Variants in TRMU observed in about 807,000 individuals in gnomAD.
TRMU encodes tRNA mitochondrial 2-thiouridylase.
TRMU carries 49 observed loss-of-function variants against 46.9 expected under a neutral mutation model. The ratio of observed to expected loss-of-function variants is 1.05; its 90% CI spans 0.83 to 1.33. The LOEUF (loss-of-function observed/expected upper bound fraction) is 1.33, where lower values mean the gene tolerates loss of function less well. TRMU is among the 40% of genes most tolerant of loss of function. TRMU has a pLI of 0.00. For synonymous variants in TRMU, 241 were observed against 200.9 expected (o/e 1.20, Z -1.69); for missense variants, 572 against 532.4 (o/e 1.07, Z -0.73).
At position 46,355,534 on chromosome 22, in the gene TRMU, G is replaced by C. The variant is rs1462606377; in HGVS notation, c.964G>C (p.Val322Leu). The change falls in exon 9 of 11, where the codon GTC becomes CTC. Residue 322 changes from valine to leucine, a missense_variant. Coordinates refer to ENST00000645190, the MANE Select transcript of TRMU (RefSeq NM_018006.5). The part of the protein sequence containing the change: ...WIAEEPPAAL[V>L]RDKMMECHFR... The stretch of plus-strand genomic sequence containing the variant: ...TGCGGAGGAGCCTCCCGCAGCACTG[G>C]TCCGGGACAAGATGATGGAGTGCCA... The C allele has an allele frequency of 6.2e-7, 1 of 1,613,314 alleles. No individual in the cohort carries two copies. Among genetic ancestry groups the C allele is most frequent in the Admixed American group, 1.7e-5 (1 of 60,028 alleles).
rs2078514636 is a variant in TRMU, at chr22:46,353,891, A to G, written c.873+24A>G. 9 of 1,608,880 alleles carry G rather than the reference A, an allele frequency of 5.6e-6. No homozygotes were observed. In the Admixed American group the frequency reaches 8.3e-5, roughly 15 times the overall value. On this transcript the variant is annotated intron_variant, in intron 8 of 10. Coordinates refer to ENST00000645190, the MANE Select transcript of TRMU (RefSeq NM_018006.5). The stretch of plus-strand genomic sequence containing the variant: ...TGGTGAGTGGGCCGGCCTCTGAGAC[A>G]GCACTGGGGCTGGTTCTGGCAGGGC...
chr22:46,353,594 C>T (rs188399288), intron 7 of TRMU, 173 bp from the exon 8 acceptor site: 20 of 609,058 alleles, frequency 3.3e-5, no homozygotes, highest in African/African-American at 3.1e-4. Flanking sequence ...GAGATGTGCT[C>T]AGGTGCTTGG....
rs2147103516 is a variant in TRMU at position 46,353,828 on chromosome 22, C to CA, written c.834_835insA (p.Val279SerfsTer10). The CA allele has an allele frequency of 2.5e-6, 4 of 1,613,888 alleles. No homozygotes were observed. In the East Asian group the frequency reaches 8.9e-5, roughly 36 times the overall value. On this transcript the variant is annotated frameshift_variant, in exon 8 of 11. Transcript: ENST00000645190. LOFTEE classifies it high-confidence loss of function. ...TAGGTGGCCTGAGAGAGCCCTGGTACGTGGTGGAGAAGGACAGCGTCAAGG... is the reference window on the plus strand; with the variant it reads ...TAGGTGGCCTGAGAGAGCCCTGGTACAGTGGTGGAGAAGGACAGCGTCAAGG...
Position 46,351,481 on chromosome 22 carries a change from G to A in TRMU, c.652-640G>A, listed in dbSNP as rs1374758460. ...CGTGTCTCTTCCTGGTAATGGAAAC[G>A]GCCATACCTTTCATCAGAGCCATCT... is the stretch of plus-strand genomic sequence containing the variant. On this transcript the variant is annotated intron_variant, in intron 5 of 10. Transcript: ENST00000645190. This position sits in a 1 kb window ranked among gnomAD's most constrained non-coding sequence, Gnocchi z 6.4. 6.6e-6 allele frequency among the ~76,000 whole-genome samples: 1 copy of A among 152,104 alleles called. No homozygotes were observed. The highest frequency in any genetic ancestry group is 1.5e-5 in the Non-Finnish European group (1 of 68,016).
chr22:46,343,289 A>G lies in TRMU; in HGVS notation c.276A>G (p.Gly92=), dbSNP rs1447238939. The change falls in exon 3 of 11, where the codon GGA becomes GGG. Residue 92 remains glycine (G), a synonymous_variant. Coordinates refer to ENST00000645190, the MANE Select transcript of TRMU (RefSeq NM_018006.5). The part of the protein sequence containing the change: ...FSDFLNEYEK[G]RTPNPDIVCN... ...ACTTTTTGAATGAGTATGAAAAAGG[A>G]AGGACTCCCAATCCTGACATAGTTT... 1 of 1,613,852 alleles carries G rather than the reference A, an allele frequency of 6.2e-7. No homozygotes were observed. Among genetic ancestry groups the G allele is most frequent in the South Asian group, 1.1e-5 (1 of 91,068 alleles).
In TRMU at chr22:46,350,183, C is replaced by T. The variant is rs771569222; in HGVS notation, c.479-108C>T. ...GTTGCTATTGAGTGTTGATGTCTGC[C>T]TCTGACAGGCTAGGGGTAGTCTGTC... On this transcript the variant is annotated intron_variant, in intron 4 of 10. Coordinates refer to ENST00000645190, the MANE Select transcript of TRMU (RefSeq NM_018006.5). The surrounding 1 kb of genome is among the most constrained non-coding windows in gnomAD (Gnocchi z 4.6). 24 of 1,377,396 alleles carry T rather than the reference C, an allele frequency of 1.7e-5. No homozygotes were observed. Among genetic ancestry groups the T allele is most frequent in the Non-Finnish European group, 2.4e-5 (23 of 978,570 alleles). The allele number at this position is 1,377,396 out of a possible 1,614,324, so 85.3% of individuals were successfully genotyped here. A position where few individuals can be genotyped will look rare whatever the true frequency, so the allele number is the denominator to read the frequency against.
rs201372242 is a variant in TRMU, at chr22:46,352,338, G to A, written c.772+8G>A. The A allele has an allele frequency of 7.8e-5, 126 of 1,613,946 alleles. No individual in the cohort carries two copies. The African/African-American group carries it at 1.3e-3, about 16-fold the overall frequency. On this transcript the variant is annotated splice_region_variant and intron_variant, in intron 7 of 10. Transcript: ENST00000645190. ...TTCTGGGAACACATAAAGGTGAGGT[G>A]CAGACTCTGCCACTTGTCATCTGAA...
intron 10 of TRMU, 143 bp from the exon 11 acceptor site, chr22:46,356,698 AG>A (rs2078620452): frequency 1.0e-6 from 1 of 967,330 alleles, no homozygotes; most frequent in African/African-American, 1.6e-5. Flanking sequence ...CAGCAGCAGC[AG>A]CAGCAGCAAA....
Position 46,351,335 on chromosome 22 carries a change from C to G in TRMU, c.652-786C>G, listed in dbSNP as rs2078416533. The stretch of plus-strand genomic sequence containing the variant: ...CGAAACTCGTCTCAAAAAGAGAGAA[C>G]CCGGAGTGTTGGCGGAACTAGGATG... On this transcript the variant is annotated intron_variant, in intron 5 of 10. Transcript: ENST00000645190. This position sits in a 1 kb window ranked among gnomAD's most constrained non-coding sequence, Gnocchi z 6.4. 6.6e-6 allele frequency among the ~76,000 whole-genome samples: 1 copy of G among 152,170 alleles called. No individual in the cohort carries two copies. The highest frequency in any genetic ancestry group is 1.5e-5 in the Non-Finnish European group (1 of 68,022).
rs967249415 is a variant in TRMU at position 46,339,527 on chromosome 22, A to G, written c.248+1583A>G. Among the ~76,000 whole-genome samples, 1 of 152,140 alleles carries G rather than the reference A, an allele frequency of 6.6e-6. No homozygotes were observed. Among genetic ancestry groups the G allele is most frequent in the South Asian group, 2.1e-4 (1 of 4,828 alleles). On this transcript the variant is annotated intron_variant, in intron 2 of 10. Transcript: ENST00000645190. This position sits in a 1 kb window ranked among gnomAD's most constrained non-coding sequence, Gnocchi z 4.8. ...GGACGCAAAGGCATAAAAATGATATAATGGACTCTGGGGTGAGGGATAAAA... is the reference window on the plus strand; with the variant it reads ...GGACGCAAAGGCATAAAAATGATATGATGGACTCTGGGGTGAGGGATAAAA...
intron 8 of TRMU, chr22:46,354,296 C>T: frequency 4.1e-6 from 1 of 243,810 alleles, no homozygotes; most frequent in Non-Finnish European, 8.2e-6. Flanking sequence ...ACAGTGGGGA[C>T]CTTACCACTG....
In TRMU at chr22:46,356,846, C is replaced by T. The variant is rs111608902; in HGVS notation, c.1106C>T (p.Ala369Val). Residue 369 changes from alanine (A) to valine (V), a missense_variant, in exon 11 of 11, where the codon GCT (alanine) becomes GTT (valine). Ala to Val is a moderately conservative substitution (Grantham distance 64). Coordinates refer to ENST00000645190, the MANE Select transcript of TRMU (RefSeq NM_018006.5). Reference sequence around the variant, plus strand: ...GCCAGGGTCTCTCCCCTACAGTTTGCTGTGTTCTACAAGGGGGACGAGTGC... The same window carrying T: ...GCCAGGGTCTCTCCCCTACAGTTTGTTGTGTTCTACAAGGGGGACGAGTGC... ...AVRALATGQFAVFYKGDECLG... is the reference protein window; with the variant it reads ...AVRALATGQFVVFYKGDECLG... 83 of 1,613,242 alleles carry T rather than the reference C, an allele frequency of 5.1e-5. No individual in the cohort carries two copies. In the African/African-American group the frequency reaches 8.5e-4, roughly 17 times the overall value.
rs753039116 is a variant in TRMU at position 46,356,839 on chromosome 22, C to T, written c.1102-3C>T. On this transcript the variant is annotated splice_region_variant and splice_polypyrimidine_tract_variant and intron_variant, in intron 10 of 10. Coordinates refer to ENST00000645190, the MANE Select transcript of TRMU (RefSeq NM_018006.5). The stretch of plus-strand genomic sequence containing the variant: ...CCCTGATGCCAGGGTCTCTCCCCTA[C>T]AGTTTGCTGTGTTCTACAAGGGGGA... 5 of 1,613,140 alleles carry T rather than the reference C, an allele frequency of 3.1e-6. No individual in the cohort carries two copies. Among genetic ancestry groups the T allele is most frequent in the South Asian group, 1.1e-5 (1 of 91,074 alleles).
chr22:46,356,403 G>A, intron 10 of TRMU: 1 of 444,512 alleles, frequency 2.2e-6, no homozygotes, highest in Non-Finnish European at 4.2e-6. Context: ...GCCCCTGTGG[G>A]CCGAGTGTGC....
intron 3 of TRMU, among the ~76,000 whole-genome samples, chr22:46,345,944 T>G (rs1008233825): frequency 1.3e-5 from 2 of 152,032 alleles, no homozygotes; most frequent in African/African-American, 4.8e-5. Flanking sequence ...ATTTTTGTAT[T>G]TTTTGTAAAG....
At chr22:46,341,245 A>T in intron 2 of TRMU, among the ~76,000 whole-genome samples, 1 of 152,236 alleles carries the variant, frequency 6.6e-6, no homozygotes, top group East Asian at 1.9e-4. Context: ...ACTGATTTTA[A>T]TGTTCAGCCT....
chr22:46,356,218 C>A, intron 10 of TRMU, 146 bp downstream of exon 10: 1 of 815,880 alleles, frequency 1.2e-6, no homozygotes, highest in South Asian at 1.6e-5. Flanking sequence ...GCCACCAGCC[C>A]TGCCCTGGGG....
In TRMU at chr22:46,350,528, A is replaced by G; in HGVS notation, c.651+65A>G. ...CTTTCCCGACTGCATGGCACGGAGC[A>G]GCTGGACCTGTGGGTCCCGCACCAC... On this transcript the variant is annotated intron_variant, in intron 5 of 10. Transcript: ENST00000645190. The surrounding 1 kb of genome is among the most constrained non-coding windows in gnomAD (Gnocchi z 4.6). 2.5e-6 allele frequency: 4 copies of G among 1,597,600 alleles called. No individual in the cohort carries two copies. Among genetic ancestry groups the G allele is most frequent in the Non-Finnish European group, 3.4e-6 (4 of 1,167,940 alleles).
chr22:46,352,063 T>C, intron 5 of TRMU, 58 bp from the exon 6 acceptor site: 1 of 1,596,476 alleles, frequency 6.3e-7, no homozygotes, highest in Non-Finnish European at 8.6e-7. Context: ...GACGTCTGGG[T>C]ACAGCTTGGG....
Sources: gnomAD v4.1 joint callset for allele counts (sites outside exome capture counted in the v4.1 genomes callset) on GRCh38, gnomAD v4.1.1 for gene constraint, Gnocchi (gnomAD v3.1) non-coding constraint, MANE v1.5 for transcripts, NCBI Gene and HGNC (gene_info 2026-07-23, HGNC 2026-07-21) for gene names.